EXOC6: variants seen among roughly 807,000 people sequenced by gnomAD.
The protein encoded by EXOC6 is SEC15-like 1.
Under a neutral mutation model 112.5 loss-of-function variants are expected in EXOC6, and 60 were observed. That is an observed-to-expected ratio of 0.53 (90% CI 0.43 to 0.66). EXOC6 has a LOEUF of 0.66. Ranked by LOEUF, EXOC6 falls within the 30% of genes least tolerant of loss-of-function variation. The probability of loss-of-function intolerance (pLI) is 0.00; values close to 1 mark genes in which losing one functional copy is unlikely to be tolerated. For synonymous variants in EXOC6, 295 were observed against 308.0 expected (o/e 0.96, Z 0.44); for missense variants, 855 against 957.1 (o/e 0.89, Z 1.41).
intron 17 of EXOC6, among the ~76,000 whole-genome samples, chr10:92,970,400 G>A (rs1057143854): frequency 6.6e-6 from 1 of 152,208 alleles, no homozygotes; most frequent in Admixed American, 6.5e-5. Context: ...ACAGGAGGAT[G>A]TGTGTAGATT....
intron 19 of EXOC6, among the ~76,000 whole-genome samples, chr10:93,009,707 A>T (rs949763940): frequency 1.3e-5 from 2 of 152,338 alleles, no homozygotes; most frequent in Non-Finnish European, 2.9e-5. Context: ...CTGTAGGCAG[A>T]GGGATCAAAG....
chr10:92,919,925 C>T, intron 7 of EXOC6, 57 bp from the exon 8 acceptor site: 1 of 1,042,090 alleles, frequency 9.6e-7, no homozygotes, highest in Non-Finnish European at 1.4e-6. Flanking sequence ...TTTACATTAT[C>T]TAATGGTGGT....
intron 19 of EXOC6, among the ~76,000 whole-genome samples, chr10:93,012,528 T>G (rs1844295827): frequency 6.6e-6 from 1 of 152,200 alleles, no homozygotes; most frequent in Non-Finnish European, 1.5e-5. Flanking sequence ...AAAGCAAAAA[T>G]TATACAACAG....
At position 92,896,141 on chromosome 10, in the gene EXOC6, G is replaced by GTGTA. The variant is rs1401955770; in HGVS notation, c.412+1122_412+1123insGTAT. Reference sequence around the variant, plus strand: ...TATATGTGTGTGTGTGTGTGTGTATGTATGTGTATATATATATATATATAT... The same window carrying GTGTA: ...TATATGTGTGTGTGTGTGTGTGTATGTGTATATGTGTATATATATATATATATAT... On this transcript the variant is annotated intron_variant, in intron 4 of 21. Transcript: ENST00000260762. 1.3e-3 allele frequency among the ~76,000 whole-genome samples: 45 copies of GTGTA among 33,676 alleles called. 3 individuals are homozygous for GTGTA. The highest frequency in any genetic ancestry group is 2.4e-3 in the Admixed American group (5 of 2,064). 22.1% of individuals were successfully genotyped at this position (33,676 alleles called of 152,430 possible).
At chr10:92,976,074 C>T (rs1842586030) in intron 18 of EXOC6, among the ~76,000 whole-genome samples, 1 of 148,470 alleles carries the variant, frequency 6.7e-6, no homozygotes, top group Non-Finnish European at 1.5e-5. Flanking sequence ...CCCGCCCGGC[C>T]AGCCGCCCCG....
intron 18 of EXOC6, among the ~76,000 whole-genome samples, chr10:92,975,769 C>T (rs1367532717): frequency 1.5e-5 from 2 of 133,008 alleles, no homozygotes; most frequent in East Asian, 4.7e-4. Flanking sequence ...GCCGGGCCAG[C>T]CGCCCCATCC....
At chr10:92,888,161 G>C (rs978868787) in intron 1 of EXOC6, among the ~76,000 whole-genome samples, 2 of 151,970 alleles carry the variant, frequency 1.3e-5, no homozygotes, top group Admixed American at 6.6e-5. Context: ...ATAGCAGAAG[G>C]CATGGAATGT....
chr10:92,908,753 A>T (rs934868237), intron 5 of EXOC6, among the ~76,000 whole-genome samples: 1 of 152,232 alleles, frequency 6.6e-6, no homozygotes, highest in Non-Finnish European at 1.5e-5. Context: ...ATGTCAATTT[A>T]TCTAGGGCAA....
At chr10:92,915,970 G>A in intron 7 of EXOC6, 57 bp downstream of exon 7, 4 of 1,209,598 alleles carry the variant, frequency 3.3e-6, no homozygotes, top group Non-Finnish European at 3.4e-6. Context: ...CTTTTGGATT[G>A]TAATGTACAT....
intron 19 of EXOC6, among the ~76,000 whole-genome samples, chr10:93,001,848 A>T (rs2486691): frequency 0.01 from 1,587 of 152,320 alleles, 30 homozygotes; most frequent in African/African-American, 0.036. Flanking sequence ...AAGGCCAGAC[A>T]TCAATAATTC....
At chr10:92,976,811 A>G (rs1237936962) in intron 18 of EXOC6, among the ~76,000 whole-genome samples, 4 of 152,152 alleles carry the variant, frequency 2.6e-5, no homozygotes, top group Admixed American at 1.3e-4. Flanking sequence ...TAGCACATCT[A>G]CATTTTGGAC....
At chr10:92,990,210 G>T (rs1210185952) in intron 18 of EXOC6, among the ~76,000 whole-genome samples, 1 of 151,900 alleles carries the variant, frequency 6.6e-6, no homozygotes, top group Non-Finnish European at 1.5e-5. Context: ...TTGCTTCTTA[G>T]TTGAAAATGA....
chr10:92,922,768 G>T (rs1164155760), intron 8 of EXOC6, among the ~76,000 whole-genome samples: 1 of 152,120 alleles, frequency 6.6e-6, no homozygotes, highest in African/African-American at 2.4e-5. Context: ...TAAACTTTGA[G>T]TATAGGGATC....
At chr10:92,916,501 C>T (rs373756902) in intron 7 of EXOC6, among the ~76,000 whole-genome samples, 1 of 152,036 alleles carries the variant, frequency 6.6e-6, no homozygotes, top group African/African-American at 2.4e-5. Flanking sequence ...CAGAGTGAGA[C>T]CTTGTCTCAA....
At chr10:93,027,359 T>A (rs934248240) in intron 20 of EXOC6, among the ~76,000 whole-genome samples, 4 of 152,190 alleles carry the variant, frequency 2.6e-5, no homozygotes, top group African/African-American at 9.7e-5. Flanking sequence ...AGCAAGTAAT[T>A]TATCCAGAAG....
At chr10:92,970,269 T>C (rs1842244591) in intron 17 of EXOC6, among the ~76,000 whole-genome samples, 2 of 152,254 alleles carry the variant, frequency 1.3e-5, no homozygotes, top group South Asian at 2.1e-4. Flanking sequence ...GCATCTGTAC[T>C]GAACATGTAC....
At chr10:92,874,155 G>A (rs911778571) in intron 1 of EXOC6, among the ~76,000 whole-genome samples, 2 of 151,938 alleles carry the variant, frequency 1.3e-5, no homozygotes, top group Non-Finnish European at 2.9e-5. Flanking sequence ...TTACTCTGTA[G>A]CTACAGGCTA....
intron 20 of EXOC6, among the ~76,000 whole-genome samples, chr10:93,029,002 C>CT (rs1229807894): frequency 2.0e-5 from 3 of 152,086 alleles, no homozygotes; most frequent in African/African-American, 7.2e-5. Context: ...AAGGAAGAGT[C>CT]AATTGATGCA....
At chr10:93,051,319 A>G (rs1846283919) in intron 20 of EXOC6, among the ~76,000 whole-genome samples, 1 of 152,258 alleles carries the variant, frequency 6.6e-6, no homozygotes, top group Non-Finnish European at 1.5e-5. Context: ...TGAAGTGCTC[A>G]GAACTCACTC....
Sources: allele counts gnomAD v4.1 joint callset (sites outside exome capture counted in the v4.1 genomes callset), GRCh38; gene constraint gnomAD v4.1.1; transcripts MANE v1.5; gene names NCBI Gene and HGNC (gene_info 2026-07-23, HGNC 2026-07-21).